Variants in FER1L6 observed in about 807,000 individuals in gnomAD.
FER1L6 encodes fer-1-like protein 6.
A neutral mutation model predicts 219.2 loss-of-function variants in FER1L6; 177 were observed. That is an observed-to-expected ratio of 0.81 (90% CI 0.71 to 0.91). The LOEUF (loss-of-function observed/expected upper bound fraction) is 0.91, where lower values mean the gene tolerates loss of function less well. FER1L6 is among the 40% of genes least tolerant of loss of function. FER1L6 has a pLI of 0.00. For missense variants in FER1L6, 2,153 were observed against 2,259.9 expected (o/e 0.95, Z 0.96); for synonymous variants, 768 against 824.3 (o/e 0.93, Z 1.17).
intron 15 of FER1L6, among the ~76,000 whole-genome samples, chr8:124,015,569 A>G (rs142755549): frequency 0.039 from 3,986 of 102,794 alleles, 226 homozygotes; most frequent in East Asian, 0.11. Flanking sequence ...TCATTATAAA[A>G]GCTATATATA....
At chr8:124,110,352 C>T (rs535384229) in intron 39 of FER1L6, among the ~76,000 whole-genome samples, 2 of 152,262 alleles carry the variant, frequency 1.3e-5, no homozygotes, top group South Asian at 4.2e-4. Flanking sequence ...TAGCACACAG[C>T]TAGTCAGGAA....
chr8:123,961,093 A>T (rs1486213873), intron 2 of FER1L6, among the ~76,000 whole-genome samples: 1 of 152,054 alleles, frequency 6.6e-6, no homozygotes, highest in Non-Finnish European at 1.5e-5. Context: ...TCTCTAAAAA[A>T]AATATTAACA....
At chr8:123,981,696 C>A (rs1340181664) in intron 11 of FER1L6, among the ~76,000 whole-genome samples, 1 of 152,036 alleles carries the variant, frequency 6.6e-6, no homozygotes, top group Non-Finnish European at 1.5e-5. Context: ...TCTTAAGAAA[C>A]CGTGTAGGGG....
chr8:123,989,721 G>A (rs1224778565), intron 12 of FER1L6, among the ~76,000 whole-genome samples: 2 of 152,106 alleles, frequency 1.3e-5, no homozygotes, highest in African/African-American at 4.8e-5. Context: ...CTCCATCCAA[G>A]TTTGCTGCAA....
At chr8:124,044,721 A>G (rs1419156925) in intron 20 of FER1L6, among the ~76,000 whole-genome samples, 1 of 152,264 alleles carries the variant, frequency 6.6e-6, no homozygotes, top group Non-Finnish European at 1.5e-5. Context: ...CTCCTGCATT[A>G]ATGGAATAGC....
At chr8:123,899,207 G>A (rs748129162) in intron 1 of FER1L6, among the ~76,000 whole-genome samples, 16 of 152,108 alleles carry the variant, frequency 1.1e-4, no homozygotes, top group Admixed American at 4.6e-4. Context: ...TCTTGTAGGA[G>A]TAAGGTGGTA....
chr8:124,102,676 C>G (rs990677552), intron 38 of FER1L6, among the ~76,000 whole-genome samples: 3 of 152,174 alleles, frequency 2.0e-5, no homozygotes, highest in African/African-American at 7.2e-5. Flanking sequence ...AGGTTCACTT[C>G]CTGTCCTGGA....
rs77924028 is a variant in FER1L6, at chr8:124,084,629, A to G, written c.4391+2171A>G. Among the ~76,000 whole-genome samples, 122 of 152,282 alleles carry G rather than the reference A, an allele frequency of 8.0e-4. 2 individuals are homozygous for G. The East Asian group carries it at 0.017, about 21-fold the overall frequency. On this transcript the variant is annotated intron_variant, in intron 33 of 40. Transcript: ENST00000522917. ...AATAAATTCCACCTGATCATGATGA[A>G]TGATCATTTTAACATGATGTTGAAT...
At chr8:123,916,054 C>T (rs185696541) in intron 1 of FER1L6, among the ~76,000 whole-genome samples, 202 of 151,528 alleles carry the variant, frequency 1.3e-3, no homozygotes, top group African/African-American at 4.6e-3. Context: ...GGTGCATTTC[C>T]TTCATCCCCA....
intron 33 of FER1L6, among the ~76,000 whole-genome samples, chr8:124,088,270 T>G (rs1309521028): frequency 6.6e-6 from 1 of 152,020 alleles, no homozygotes; most frequent in Non-Finnish European, 1.5e-5. Flanking sequence ...TCCTTCCCCT[T>G]TCCTCAAGCA....
In FER1L6 at chr8:124,118,879, A is replaced by G. The variant is rs749457565; in HGVS notation, c.5325A>G (p.Ala1775=). ...AAGCTGAGTTCCACCTAGTTACAGC[A>G]GAAGAAGCTGAGAAAAATCCTGTTG... The part of the protein sequence containing the change: ...KVEAEFHLVT[A]EEAEKNPVGK... The change falls in exon 40 of 41, where the codon GCA becomes GCG. Residue 1775 remains alanine (A), a synonymous_variant. Transcript: ENST00000522917. 6.2e-7 allele frequency: 1 copy of G among 1,614,062 alleles called. No individual in the cohort carries two copies. Among genetic ancestry groups the G allele is most frequent in the Non-Finnish European group, 8.5e-7 (1 of 1,179,962 alleles).
intron 15 of FER1L6, chr8:124,015,833 G>A (rs1818178337): frequency 6.6e-6 from 1 of 152,316 alleles, no homozygotes. Context: ...AGATAAAAAT[G>A]TTAGTTTTAT....
At chr8:123,929,092 T>A (rs1813670330) in intron 1 of FER1L6, among the ~76,000 whole-genome samples, 1 of 152,150 alleles carries the variant, frequency 6.6e-6, no homozygotes, top group South Asian at 2.1e-4. Flanking sequence ...TGACTAGAGG[T>A]CCTCTAGAAT....
intron 3 of FER1L6, among the ~76,000 whole-genome samples, chr8:123,964,305 A>C (rs148627152): frequency 1.4e-3 from 214 of 152,294 alleles, no homozygotes; most frequent in African/African-American, 5.1e-3. Context: ...ACTTGTGATA[A>C]TTCCTCATGC....
At chr8:124,087,694 C>G (rs6470217) in intron 33 of FER1L6, among the ~76,000 whole-genome samples, 126,318 of 152,078 alleles carry the variant, frequency 0.83, 52,615 homozygotes, top group Non-Finnish European at 0.86. Flanking sequence ...TTGCAGTCTG[C>G]GCTTGTTTGT....
chr8:123,940,834 C>T (rs1437668247), intron 1 of FER1L6, among the ~76,000 whole-genome samples: 2 of 152,168 alleles, frequency 1.3e-5, no homozygotes, highest in Non-Finnish European at 2.9e-5. Flanking sequence ...CATCCTTTCT[C>T]TGCTTTGGGA....
chr8:123,912,970 T>A (rs1813083320), intron 1 of FER1L6, among the ~76,000 whole-genome samples: 1 of 152,186 alleles, frequency 6.6e-6, no homozygotes, highest in Non-Finnish European at 1.5e-5. Context: ...GTTAGACCCA[T>A]CTCTTCACCA....
chr8:123,899,143 A>T (rs1812815726), intron 1 of FER1L6, among the ~76,000 whole-genome samples: 1 of 151,972 alleles, frequency 6.6e-6, no homozygotes, highest in Admixed American at 6.6e-5. Flanking sequence ...GTGTTCCCTG[A>T]TTACCACATC....
chr8:123,932,874 A>G (rs1396857451), intron 1 of FER1L6, among the ~76,000 whole-genome samples: 1 of 152,234 alleles, frequency 6.6e-6, no homozygotes, highest in Non-Finnish European at 1.5e-5. Flanking sequence ...AAACAAAATC[A>G]GGCCAACCAA....
Sources: gnomAD v4.1 joint callset for allele counts (sites outside exome capture counted in the v4.1 genomes callset) on GRCh38, gnomAD v4.1.1 for gene constraint, MANE v1.5 for transcripts, NCBI Gene and HGNC (gene_info 2026-07-23, HGNC 2026-07-21) for gene names.